NCALD: variants seen among roughly 807,000 people sequenced by gnomAD.
NCALD encodes the protein neurocalcin-delta.
In NCALD, 10 loss-of-function variants were observed where a neutral mutation model predicts 18.6. That is an observed-to-expected ratio of 0.54 (90% CI 0.33 to 0.91). The LOEUF is 0.91. Ranked by LOEUF, NCALD falls within the 40% of genes least tolerant of loss-of-function variation. The pLI, the probability that NCALD is intolerant of heterozygous loss-of-function variation, is 0.03. For synonymous variants in NCALD, 88 were observed against 87.4 expected (o/e 1.01, Z -0.04); for missense variants, 184 against 247.6 (o/e 0.74, Z 1.72).
intron 3 of NCALD, chr8:101,690,453 G>A (rs1814674450): frequency 3.0e-6 from 3 of 985,294 alleles, no homozygotes; most frequent in Non-Finnish European, 3.6e-6. Context: ...GGCTCTGCAC[G>A]CCTGTGGGTT....
intron 2 of NCALD, among the ~76,000 whole-genome samples, chr8:101,947,944 A>T (rs893077883): frequency 6.6e-6 from 1 of 152,264 alleles, no homozygotes; most frequent in Admixed American, 6.5e-5. Context: ...CAATGGCTGT[A>T]GAAAAAAGAT....
intron 1 of NCALD, among the ~76,000 whole-genome samples, chr8:101,779,651 T>G (rs1370136932): frequency 6.6e-6 from 1 of 152,134 alleles, no homozygotes; most frequent in Non-Finnish European, 1.5e-5. Context: ...CGGATTGCCC[T>G]TTTTTATATA....
At chr8:101,862,042 C>G (rs1815564532) in intron 4 of NCALD, among the ~76,000 whole-genome samples, 2 of 152,190 alleles carry the variant, frequency 1.3e-5, no homozygotes. Flanking sequence ...AAGGATTCAT[C>G]ACCAGGCTGC....
At chr8:101,973,675 G>A (rs1820322862) in intron 2 of NCALD, among the ~76,000 whole-genome samples, 1 of 152,152 alleles carries the variant, frequency 6.6e-6, no homozygotes, top group Non-Finnish European at 1.5e-5. Context: ...AAGAGCCACA[G>A]GTGAGACAGA....
At chr8:101,981,850 T>A (rs1820630689) in intron 2 of NCALD, among the ~76,000 whole-genome samples, 1 of 152,216 alleles carries the variant, frequency 6.6e-6, no homozygotes, top group Non-Finnish European at 1.5e-5. Context: ...TTCATTCTGA[T>A]ATGAACGTTT....
intron 1 of NCALD, among the ~76,000 whole-genome samples, chr8:101,723,002 G>A (rs998571968): frequency 1.3e-5 from 2 of 152,218 alleles, no homozygotes; most frequent in African/African-American, 4.8e-5. Context: ...CATTCCTTAG[G>A]TGGTGAGGAG....
At chr8:101,944,923 A>G (rs1819109309) in intron 2 of NCALD, among the ~76,000 whole-genome samples, 1 of 152,220 alleles carries the variant, frequency 6.6e-6, no homozygotes, top group Non-Finnish European at 1.5e-5. Context: ...TCATTAAATT[A>G]TCTTTCAAAT....
At chr8:101,765,840 T>C (rs929216700) in intron 1 of NCALD, among the ~76,000 whole-genome samples, 5 of 152,232 alleles carry the variant, frequency 3.3e-5, no homozygotes, top group Non-Finnish European at 7.3e-5. Context: ...AGCTCAAGGA[T>C]AATTTGCTTA....
chr8:101,698,871 C>A (rs1228363503), intron 2 of NCALD, among the ~76,000 whole-genome samples: 4 of 152,050 alleles, frequency 2.6e-5, no homozygotes, highest in African/African-American at 7.2e-5. Context: ...CAGGCATGGG[C>A]AAAGACTTTA....
At chr8:101,846,871 C>T (rs912280118) in intron 4 of NCALD, among the ~76,000 whole-genome samples, 1 of 152,166 alleles carries the variant, frequency 6.6e-6, no homozygotes, top group African/African-American at 2.4e-5. Context: ...CTTCCAGGTA[C>T]TCAACACAGG....
intron 1 of NCALD, among the ~76,000 whole-genome samples, chr8:101,728,283 C>A (rs542846885): frequency 3.0e-4 from 46 of 152,228 alleles, no homozygotes; most frequent in Non-Finnish European, 6.3e-4. Flanking sequence ...TGCATTTCTG[C>A]GATTCCTCAT....
At chr8:101,933,767 GC>G (rs1421609750) in intron 2 of NCALD, among the ~76,000 whole-genome samples, 1 of 152,146 alleles carries the variant, frequency 6.6e-6, no homozygotes, top group Non-Finnish European at 1.5e-5. Flanking sequence ...GAATCTCTGT[GC>G]CATGAGGACA....
intron 4 of NCALD, among the ~76,000 whole-genome samples, chr8:101,837,224 T>C (rs1226492710): frequency 1.3e-5 from 2 of 152,224 alleles, no homozygotes; most frequent in Non-Finnish European, 2.9e-5. Context: ...GCACTCTCCC[T>C]GTGACCTTGA....
intron 4 of NCALD, among the ~76,000 whole-genome samples, chr8:101,866,891 C>CT (rs1363592216): frequency 1.3e-5 from 2 of 152,164 alleles, no homozygotes; most frequent in Admixed American, 6.5e-5. Context: ...GAGCATGTCA[C>CT]TTCTCTGCTC....
intron 4 of NCALD, among the ~76,000 whole-genome samples, chr8:101,822,185 G>A (rs1341381046): frequency 6.6e-6 from 1 of 152,140 alleles, no homozygotes; most frequent in African/African-American, 2.4e-5. Context: ...ATTATAGAAT[G>A]TATTCCTCGA....
At chr8:101,717,820 A>G (rs1305852167) in intron 2 of NCALD, among the ~76,000 whole-genome samples, 1 of 152,218 alleles carries the variant, frequency 6.6e-6, no homozygotes, top group Non-Finnish European at 1.5e-5. Flanking sequence ...GTGAGATCCT[A>G]CAGTAAATTC....
At chr8:101,710,077 G>A (rs1250740205) in intron 2 of NCALD, among the ~76,000 whole-genome samples, 1 of 152,198 alleles carries the variant, frequency 6.6e-6, no homozygotes, top group Non-Finnish European at 1.5e-5. Flanking sequence ...GAGGTACCCA[G>A]TTCATCTCAT....
intron 4 of NCALD, among the ~76,000 whole-genome samples, chr8:101,809,737 G>C (rs1026339155): frequency 3.9e-5 from 6 of 152,054 alleles, no homozygotes; most frequent in Admixed American, 6.5e-5. Context: ...TAGAGACGGG[G>C]TTTCACCATG....
At chr8:101,889,239 A>G (rs1461019406) in intron 3 of NCALD, among the ~76,000 whole-genome samples, 1 of 152,252 alleles carries the variant, frequency 6.6e-6, no homozygotes, top group African/African-American at 2.4e-5. Flanking sequence ...AAGCTGAAAG[A>G]AGGAGTCACT....
Sources: gnomAD v4.1 joint callset for allele counts (sites outside exome capture counted in the v4.1 genomes callset) on GRCh38, gnomAD v4.1.1 for gene constraint, MANE v1.5 for transcripts, NCBI Gene and HGNC (gene_info 2026-07-23, HGNC 2026-07-21) for gene names.